CNTNAP5: variants seen among roughly 807,000 people sequenced by gnomAD.
The protein encoded by CNTNAP5 is contactin associated protein family member 5, also known as contactin-associated protein-like 5.
In CNTNAP5, 72 loss-of-function variants were observed where a neutral mutation model predicts 150.2. The observed-to-expected ratio is 0.48, with a 90% confidence interval of 0.40 to 0.58. The LOEUF (loss-of-function observed/expected upper bound fraction) is 0.58, where lower values mean the gene tolerates loss of function less well. CNTNAP5 is among the 20% of genes least tolerant of loss of function. CNTNAP5 has a pLI of 0.00. For missense variants in CNTNAP5, 1,636 were observed against 1,626.2 expected, an observed-to-expected ratio of 1.01 and a Z score of -0.10; for synonymous variants, 672 against 619.8, an observed-to-expected ratio of 1.08 and a Z score of -1.25.
intron 1 of CNTNAP5, among the ~76,000 whole-genome samples, chr2:124,059,655 GT>G (rs1319500406): frequency 2.0e-5 from 3 of 151,900 alleles, no homozygotes; most frequent in Non-Finnish European, 4.4e-5. Context: ...TAGTATACTT[GT>G]TTTTCATAGG....
chr2:124,429,982 G>T (rs192996496), intron 4 of CNTNAP5, among the ~76,000 whole-genome samples: 5 of 152,162 alleles, frequency 3.3e-5, no homozygotes, highest in Non-Finnish European at 5.9e-5. Context: ...GGCAAACAGC[G>T]TACATCTGGC....
At chr2:124,655,435 A>C (rs1678422878) in intron 13 of CNTNAP5, among the ~76,000 whole-genome samples, 2 of 151,902 alleles carry the variant, frequency 1.3e-5, no homozygotes, top group Non-Finnish European at 2.9e-5. Context: ...TGTTACTGTA[A>C]ATAGTGCTGC....
At chr2:124,335,369 G>T (rs1689446061) in intron 3 of CNTNAP5, among the ~76,000 whole-genome samples, 1 of 151,756 alleles carries the variant, frequency 6.6e-6, no homozygotes, top group South Asian at 2.1e-4. Flanking sequence ...TCTCAGACTG[G>T]CCACTTGGCA....
intron 3 of CNTNAP5, among the ~76,000 whole-genome samples, chr2:124,334,577 T>G (rs1689425379): frequency 6.6e-6 from 1 of 152,158 alleles, no homozygotes; most frequent in Admixed American, 6.5e-5. Flanking sequence ...TGGCTGTTTT[T>G]AATAAAACAG....
At chr2:124,429,742 A>G (rs1016203328) in intron 4 of CNTNAP5, among the ~76,000 whole-genome samples, 1 of 152,228 alleles carries the variant, frequency 6.6e-6, no homozygotes, top group African/African-American at 2.4e-5. Flanking sequence ...TGTGAGTCAC[A>G]CAGGGATCAC....
intron 1 of CNTNAP5, among the ~76,000 whole-genome samples, chr2:124,082,348 C>CAAAA (rs56285830): frequency 4.1e-5 from 3 of 73,588 alleles, no homozygotes; most frequent in Admixed American, 3.0e-4. Flanking sequence ...GACTCTCTCT[C>CAAAA]AAAAAAAAAA....
At chr2:124,711,570 C>T (rs893194233) in intron 13 of CNTNAP5, among the ~76,000 whole-genome samples, 2 of 152,098 alleles carry the variant, frequency 1.3e-5, no homozygotes, top group African/African-American at 2.4e-5. Context: ...TATTTATTAA[C>T]AAAAATAATT....
chr2:124,337,098 T>C (rs978621936), intron 3 of CNTNAP5, among the ~76,000 whole-genome samples: 1 of 152,176 alleles, frequency 6.6e-6, no homozygotes, highest in African/African-American at 2.4e-5. Flanking sequence ...CTCATTGTGG[T>C]TTTGATTTGC....
At chr2:124,385,794 G>T (rs1037806459) in intron 3 of CNTNAP5, among the ~76,000 whole-genome samples, 1 of 152,130 alleles carries the variant, frequency 6.6e-6, no homozygotes. Context: ...CCATCCCCAA[G>T]AAGTGCCCCC....
chr2:124,268,952 T>C lies in CNTNAP5; in HGVS notation c.381+26559T>C, dbSNP rs533474932. On this transcript the variant is annotated intron_variant, in intron 3 of 23. Transcript: ENST00000682447. ...GAGGGAAGGCTTCCAAGTTCGCTCA[T>C]AGCCTGCCAGGACCCCTAAGTGCTC... is the stretch of plus-strand genomic sequence containing the variant. Among the ~76,000 whole-genome samples the C allele has an allele frequency of 4.6e-5, 7 of 152,156 alleles. No individual in the cohort carries two copies. The South Asian group carries it at 1.0e-3, about 23-fold the overall frequency.
intron 11 of CNTNAP5, among the ~76,000 whole-genome samples, chr2:124,606,062 G>A (rs1334561625): frequency 6.6e-6 from 1 of 151,990 alleles, no homozygotes; most frequent in Non-Finnish European, 1.5e-5. Flanking sequence ...TAAATTTGGA[G>A]TTAAATTAGC....
chr2:124,588,078 TTCTC>T (rs1375563952), intron 11 of CNTNAP5, among the ~76,000 whole-genome samples: 2 of 134,660 alleles, frequency 1.5e-5, no homozygotes, highest in African/African-American at 2.8e-5. Flanking sequence ...TCCCTTCCCT[TTCTC>T]TTTCTTTCTT....
At chr2:124,674,252 T>G (rs903751073) in intron 13 of CNTNAP5, among the ~76,000 whole-genome samples, 4 of 152,298 alleles carry the variant, frequency 2.6e-5, no homozygotes, top group Non-Finnish European at 5.9e-5. Context: ...TTCCTTCTCC[T>G]TGATTTTGGC....
intron 13 of CNTNAP5, among the ~76,000 whole-genome samples, chr2:124,712,593 C>G (rs1006958298): frequency 6.6e-6 from 1 of 152,114 alleles, no homozygotes; most frequent in East Asian, 1.9e-4. Flanking sequence ...TTAAAAATAA[C>G]GGAAATTAAT....
intron 1 of CNTNAP5, among the ~76,000 whole-genome samples, chr2:124,176,700 A>T (rs1685072239): frequency 6.6e-6 from 1 of 152,092 alleles, no homozygotes; most frequent in Non-Finnish European, 1.5e-5. Flanking sequence ...GGAAAAACAG[A>T]CAAGCATTGT....
intron 19 of CNTNAP5, among the ~76,000 whole-genome samples, chr2:124,850,205 C>T (rs1292257236): frequency 2.6e-5 from 4 of 152,062 alleles, no homozygotes; most frequent in Non-Finnish European, 4.4e-5. Context: ...AATTTTGTTT[C>T]CCCCAAATTC....
At chr2:124,449,837 AC>A (rs1692921701) in intron 6 of CNTNAP5, among the ~76,000 whole-genome samples, 1 of 152,154 alleles carries the variant, frequency 6.6e-6, no homozygotes, top group African/African-American at 2.4e-5. Flanking sequence ...GACAAGAGTT[AC>A]GTGTCAAGAG....
intron 1 of CNTNAP5, among the ~76,000 whole-genome samples, chr2:124,115,691 C>G (rs1683411295): frequency 6.7e-6 from 1 of 149,046 alleles, no homozygotes; most frequent in Non-Finnish European, 1.5e-5. Context: ...CTCTGTCTCC[C>G]AGGTTGACGT....
chr2:124,238,882 C>A (rs1320278398), intron 2 of CNTNAP5, among the ~76,000 whole-genome samples: 1 of 152,138 alleles, frequency 6.6e-6, no homozygotes, highest in African/African-American at 2.4e-5. Context: ...GAAATGTTTG[C>A]CATAGCAACC....
Sources: allele counts gnomAD v4.1 joint callset (sites outside exome capture counted in the v4.1 genomes callset), GRCh38; gene constraint gnomAD v4.1.1; transcripts MANE v1.5; gene names NCBI Gene and HGNC (gene_info 2026-07-23, HGNC 2026-07-21).